Variants in PSMA6 observed in about 807,000 individuals in gnomAD.
PSMA6 encodes proteasome 20S subunit alpha 6.
For missense variants in PSMA6, 170 were observed against 294.8 expected (o/e 0.58, Z 3.10); for synonymous variants, 88 against 97.7 (o/e 0.90, Z 0.59).
intron 1 of PSMA6, among the ~76,000 whole-genome samples, chr14:35,306,849 G>T (rs2051836214): frequency 6.6e-6 from 1 of 151,926 alleles, no homozygotes; most frequent in Non-Finnish European, 1.5e-5. Flanking sequence ...GTTTGTTATA[G>T]ATGGAGTCAT....
chr14:35,308,724 G>A, intron 2 of PSMA6, 190 bp from the exon 3 acceptor site: 1 of 489,062 alleles, frequency 2.0e-6, no homozygotes, highest in Non-Finnish European at 3.6e-6. Context: ...GGTAAATAGA[G>A]CCCCTCGAAA....
intron 1 of PSMA6, among the ~76,000 whole-genome samples, chr14:35,304,147 A>G (rs559501626): frequency 6.6e-6 from 1 of 151,938 alleles, no homozygotes; most frequent in South Asian, 2.1e-4. Flanking sequence ...TAATTTTTGT[A>G]TTTTTAATAG....
chr14:35,286,936 C>A (rs1156922746), intron 1 of PSMA6, among the ~76,000 whole-genome samples: 1 of 152,098 alleles, frequency 6.6e-6, no homozygotes, highest in Non-Finnish European at 1.5e-5. Flanking sequence ...TTATGAGAAG[C>A]ATAACCTCAT....
At chr14:35,291,021 T>A (rs1403808690), upstream of PSMA6, among the ~76,000 whole-genome samples, 1 of 151,870 alleles carries the variant, frequency 6.6e-6, no homozygotes. Context: ...TAGATAGATC[T>A]TCCTCTGTCG....
intron 3 of PSMA6, chr14:35,310,191 CTTTT>C (rs33988739): frequency 1.7e-3 from 606 of 352,326 alleles, no homozygotes; most frequent in East Asian, 4.1e-3. Context: ...CTCTCAAGGC[CTTTT>C]TTTTTTTTTT....
chr14:35,314,496 A>G (rs1408946238), intron 6 of PSMA6, 41 bp downstream of exon 6: 3 of 1,585,106 alleles, frequency 1.9e-6, no homozygotes, highest in Admixed American at 1.7e-5. Flanking sequence ...AGAAAGGTGG[A>G]GGCGTGTGAG....
chr14:35,298,885 C>T (rs1210694062), intron 1 of PSMA6, among the ~76,000 whole-genome samples: 1 of 152,038 alleles, frequency 6.6e-6, no homozygotes, highest in Non-Finnish European at 1.5e-5. Context: ...AGGCGCGCAC[C>T]ACCATACCTG....
At chr14:35,310,390 A>G (rs1431633011) in intron 3 of PSMA6, 6 of 348,822 alleles carry the variant, frequency 1.7e-5, no homozygotes, top group Non-Finnish European at 2.8e-5. Context: ...TCCTGGCCTC[A>G]AGTGATCCGC....
chr14:35,297,119 GTTTTTTTTTTTTTT>G (rs924383407), intron 1 of PSMA6, among the ~76,000 whole-genome samples: 2 of 62,656 alleles, frequency 3.2e-5, no homozygotes, highest in Admixed American at 2.2e-4. Flanking sequence ...TCTTAACAAA[GTTTTTTTTTTTTTT>G]TTTTTTTTTT....
chr14:35,295,888 AG>A (rs148900850), intron 1 of PSMA6, among the ~76,000 whole-genome samples: 38 of 152,300 alleles, frequency 2.5e-4, no homozygotes, highest in Non-Finnish European at 5.1e-4. Flanking sequence ...GGTGCATTGT[AG>A]GGGGAATGGG....
chr14:35,295,964 T>A (rs1417173135), intron 1 of PSMA6, among the ~76,000 whole-genome samples: 1 of 152,158 alleles, frequency 6.6e-6, no homozygotes, highest in Non-Finnish European at 1.5e-5. Context: ...TGTTTGCTGA[T>A]CCTTTGCTGG....
intron 1 of PSMA6, among the ~76,000 whole-genome samples, chr14:35,298,941 C>T (rs562733202): frequency 6.6e-6 from 1 of 152,086 alleles, no homozygotes; most frequent in African/African-American, 2.4e-5. Context: ...ACCATGTTGG[C>T]CAGGCTGGTC....
chr14:35,298,452 T>G, intron 1 of PSMA6, among the ~76,000 whole-genome samples: 1 of 151,562 alleles, frequency 6.6e-6, no homozygotes, highest in East Asian at 1.9e-4. Context: ...ATCGCACTGC[T>G]GCACTCTAGC....
At chr14:35,295,969 T>C (rs2051579066) in intron 1 of PSMA6, among the ~76,000 whole-genome samples, 1 of 152,162 alleles carries the variant, frequency 6.6e-6, no homozygotes, top group African/African-American at 2.4e-5. Context: ...GCTGATCCTT[T>C]GCTGGATAGG....
At chr14:35,287,197 G>A (rs2138706186) in intron 1 of PSMA6, among the ~76,000 whole-genome samples, 1 of 152,284 alleles carries the variant, frequency 6.6e-6, no homozygotes, top group South Asian at 2.1e-4. Context: ...TCCTCAGGGA[G>A]GAAGCTCTGA....
chr14:35,289,616 A>G (rs1207693021), upstream of PSMA6, among the ~76,000 whole-genome samples: 2 of 152,142 alleles, frequency 1.3e-5, no homozygotes, highest in East Asian at 3.8e-4. Flanking sequence ...CTGGGATTAC[A>G]GGTGTTGCAC....
intron 1 of PSMA6, among the ~76,000 whole-genome samples, chr14:35,295,204 T>C (rs1305233851): frequency 6.6e-6 from 1 of 151,850 alleles, no homozygotes; most frequent in Non-Finnish European, 1.5e-5. Flanking sequence ...CTGCTTGTGC[T>C]GGCGTGCCTG....
At chr14:35,291,309 T>G (rs139974454), upstream of PSMA6, among the ~76,000 whole-genome samples, 7 of 151,430 alleles carry the variant, frequency 4.6e-5, no homozygotes, top group Middle Eastern at 3.4e-3. Context: ...GCTCCGCCTC[T>G]CCGGTTCACG....
intron 1 of PSMA6, among the ~76,000 whole-genome samples, chr14:35,301,308 C>T (rs1377251389): frequency 5.9e-5 from 9 of 152,038 alleles, no homozygotes; most frequent in African/African-American, 1.9e-4. Context: ...AGTTTGAGAC[C>T]AGCCTGGCCA....
Sources: allele counts gnomAD v4.1 joint callset (sites outside exome capture counted in the v4.1 genomes callset), GRCh38; gene constraint gnomAD v4.1.1; transcripts MANE v1.5; gene names NCBI Gene and HGNC (gene_info 2026-07-23, HGNC 2026-07-21).